The following GPC6 variants were observed in gnomAD, a reference collection of about 807,000 sequenced individuals.
GPC6 encodes glypican-6.
GPC6 carries 14 observed loss-of-function variants against 55.2 expected under a neutral mutation model. That is an observed-to-expected ratio of 0.25 (90% confidence interval 0.17 to 0.40). The LOEUF is 0.40. Among genes scored for constraint, GPC6 ranks in the 10% least tolerant of loss-of-function variants. The pLI is 1.00. For missense variants in GPC6, 641 were observed against 708.5 expected (o/e 0.90, Z 1.08); for synonymous variants, 278 against 259.6 (o/e 1.07, Z -0.68).
At chr13:93,574,685 A>G (rs1876572540) in intron 2 of GPC6, among the ~76,000 whole-genome samples, 1 of 152,146 alleles carries the variant, frequency 6.6e-6, no homozygotes, top group Non-Finnish European at 1.5e-5. Flanking sequence ...GATCACTTCC[A>G]TTACCCCCCA....
chr13:93,589,277 A>G (rs1277543044), intron 2 of GPC6, among the ~76,000 whole-genome samples: 1 of 152,126 alleles, frequency 6.6e-6, no homozygotes, highest in Non-Finnish European at 1.5e-5. Context: ...TTTTCTCAAA[A>G]AAAATTTTCA....
intron 2 of GPC6, among the ~76,000 whole-genome samples, chr13:93,705,915 A>G: frequency 6.6e-6 from 1 of 151,088 alleles, no homozygotes; most frequent in Admixed American, 6.6e-5. Context: ...TTAATTAAAT[A>G]TTATATAAAC....
chr13:93,932,970 G>GTTTTTTTTTT (rs1878252050), intron 3 of GPC6, among the ~76,000 whole-genome samples: 1 of 116,394 alleles, frequency 8.6e-6, no homozygotes, highest in Non-Finnish European at 1.8e-5. Flanking sequence ...GTTTTGTTTT[G>GTTTTTTTTTT]TTCTTTTTTT....
intron 1 of GPC6, among the ~76,000 whole-genome samples, chr13:93,459,774 T>A (rs1347954467): frequency 1.3e-5 from 2 of 152,176 alleles, no homozygotes; most frequent in Non-Finnish European, 2.9e-5. Flanking sequence ...CCGACACAGT[T>A]AAGGTTCAAG....
In GPC6 at chr13:93,646,613, A is replaced by G. The variant is rs549393202; in HGVS notation, c.319+101192A>G. 3.3e-5 allele frequency among the ~76,000 whole-genome samples: 5 copies of G among 152,228 alleles called. No homozygotes were observed. The South Asian group carries it at 6.2e-4, about 19-fold the overall frequency. On this transcript the variant is annotated intron_variant, in intron 2 of 8. Coordinates refer to ENST00000377047, the MANE Select transcript of GPC6 (RefSeq NM_005708.5). ...CTATCAAACTAAAATCCTCATTTCA[A>G]TCCGGTAGTCCTTGAAGTCCTTAAG...
At chr13:93,232,532 G>A (rs972958064) in intron 1 of GPC6, among the ~76,000 whole-genome samples, 4 of 152,094 alleles carry the variant, frequency 2.6e-5, no homozygotes, top group African/African-American at 4.8e-5. Flanking sequence ...TCATCATTGG[G>A]AACAAGAGTT....
chr13:93,843,882 T>C (rs1888057859), intron 3 of GPC6, among the ~76,000 whole-genome samples: 2 of 152,180 alleles, frequency 1.3e-5, no homozygotes, highest in Admixed American at 6.5e-5. Flanking sequence ...TAAATATTTT[T>C]CTGTACCTAT....
At chr13:93,668,367 T>G (rs1881227124) in intron 2 of GPC6, among the ~76,000 whole-genome samples, 1 of 152,210 alleles carries the variant, frequency 6.6e-6, no homozygotes, top group South Asian at 2.1e-4. Context: ...ATATTTGAGC[T>G]TTTGGAAATT....
chr13:93,963,063 G>A (rs912699107), intron 3 of GPC6, among the ~76,000 whole-genome samples: 1 of 152,070 alleles, frequency 6.6e-6, no homozygotes, highest in Non-Finnish European at 1.5e-5. Context: ...AAGCTGTGTA[G>A]CATTTTTTTA....
upstream of GPC6, among the ~76,000 whole-genome samples, chr13:93,222,757 C>T (rs1242121572): frequency 6.6e-6 from 1 of 152,150 alleles, no homozygotes; most frequent in Non-Finnish European, 1.5e-5. Flanking sequence ...GTTGCTTTTA[C>T]TTGTAAACAG....
intron 2 of GPC6, among the ~76,000 whole-genome samples, chr13:93,552,059 G>A (rs1183651144): frequency 6.6e-6 from 1 of 152,126 alleles, no homozygotes; most frequent in Non-Finnish European, 1.5e-5. Flanking sequence ...GGCTTATAAT[G>A]TTAATCATTC....
intron 2 of GPC6, among the ~76,000 whole-genome samples, chr13:93,627,540 C>T (rs922837126): frequency 5.3e-5 from 8 of 152,154 alleles, no homozygotes; most frequent in Non-Finnish European, 1.0e-4. Context: ...CCTTCCACTG[C>T]TGCTTCACAG....
chr13:93,801,957 C>T (rs925801485), intron 2 of GPC6, among the ~76,000 whole-genome samples: 1 of 152,094 alleles, frequency 6.6e-6, no homozygotes, highest in Non-Finnish European at 1.5e-5. Context: ...CTTCATGCTG[C>T]AAATGAATGA....
At chr13:94,222,678 T>C (rs1237676960) in intron 4 of GPC6, among the ~76,000 whole-genome samples, 1 of 152,164 alleles carries the variant, frequency 6.6e-6, no homozygotes, top group Non-Finnish European at 1.5e-5. Context: ...TCAATAGATA[T>C]TATGTAACTA....
intron 4 of GPC6, among the ~76,000 whole-genome samples, chr13:94,222,172 T>C (rs1890405490): frequency 6.6e-6 from 1 of 152,082 alleles, no homozygotes; most frequent in African/African-American, 2.4e-5. Context: ...TCATGGTCAG[T>C]GTAAGCCTGA....
chr13:93,387,950 A>G (rs898829804), intron 1 of GPC6, among the ~76,000 whole-genome samples: 10 of 150,872 alleles, frequency 6.6e-5, no homozygotes, highest in African/African-American at 2.4e-4. Context: ...TTAGTTCCCA[A>G]TATATATATA....
At chr13:93,451,388 A>C (rs922198377) in intron 1 of GPC6, among the ~76,000 whole-genome samples, 1 of 152,252 alleles carries the variant, frequency 6.6e-6, no homozygotes, top group Non-Finnish European at 1.5e-5. Context: ...CCTGTGGGCT[A>C]AATGTGCCCT....
rs1875865713 is a variant in GPC6, at chr13:93,227,986, G to A, written c.160+370G>A. On this transcript the variant is annotated intron_variant, in intron 1 of 8. Coordinates refer to ENST00000377047, the MANE Select transcript of GPC6 (RefSeq NM_005708.5). This position sits in a 1 kb window ranked among gnomAD's most constrained non-coding sequence, Gnocchi z 4.3. Reference sequence around the variant, plus strand: ...GAGCCGGGCGCTCACTCCGCGTTCTGGTTCGGGCAAACTTGGAAGAACTGC... The same window carrying A: ...GAGCCGGGCGCTCACTCCGCGTTCTAGTTCGGGCAAACTTGGAAGAACTGC... Among the ~76,000 whole-genome samples the A allele has an allele frequency of 6.6e-6, 1 of 152,146 alleles. No individual in the cohort carries two copies. Among genetic ancestry groups the A allele is most frequent in the African/African-American group, 2.4e-5 (1 of 41,462 alleles).
intron 4 of GPC6, among the ~76,000 whole-genome samples, chr13:94,210,828 A>C (rs1325220929): frequency 6.6e-6 from 1 of 152,254 alleles, no homozygotes; most frequent in Non-Finnish European, 1.5e-5. Flanking sequence ...TCTAACTACA[A>C]ATACCAGGGC....
Sources: allele counts gnomAD v4.1 joint callset (sites outside exome capture counted in the v4.1 genomes callset), GRCh38; gene constraint gnomAD v4.1.1; non-coding constraint Gnocchi (gnomAD v3.1); transcripts MANE v1.5; gene names NCBI Gene and HGNC (gene_info 2026-07-23, HGNC 2026-07-21).